NR2C2: variants seen among roughly 807,000 people sequenced by gnomAD.
NR2C2 encodes nuclear receptor subfamily 2 group C member 2.
Under a neutral mutation model 62.9 loss-of-function variants are expected in NR2C2, and 6 were observed. The ratio of observed to expected loss-of-function variants is 0.10; its 90% CI spans 0.05 to 0.19. The LOEUF (loss-of-function observed/expected upper bound fraction) is 0.19. NR2C2 is among the 10% of genes least tolerant of loss of function. NR2C2 has a pLI of 1.00. For missense variants in NR2C2, 479 were observed against 762.7 expected, an observed-to-expected ratio of 0.63 and a Z score of 4.38; for synonymous variants, 272 against 273.8, an observed-to-expected ratio of 0.99 and a Z score of 0.07.
At chr3:15,003,194 G>C (rs1249406888) in intron 1 of NR2C2, among the ~76,000 whole-genome samples, 1 of 150,392 alleles carries the variant, frequency 6.6e-6, no homozygotes. Context: ...CAAGTGATCT[G>C]CCCACCTTGG....
At chr3:14,956,318 T>G (rs1019620091) in intron 1 of NR2C2, among the ~76,000 whole-genome samples, 1 of 152,214 alleles carries the variant, frequency 6.6e-6, no homozygotes, top group Non-Finnish European at 1.5e-5. Context: ...AATTTTCCCA[T>G]GAATATGAAC....
chr3:14,969,244 C>CTTT (rs35048015), intron 1 of NR2C2, among the ~76,000 whole-genome samples: 21 of 125,780 alleles, frequency 1.7e-4, no homozygotes, highest in African/African-American at 5.3e-4. Flanking sequence ...AATAAAGATT[C>CTTT]TTTTTTTTTT....
In NR2C2 at chr3:15,042,990, C is replaced by G. The variant is rs1180014233; in HGVS notation, c.1773C>G (p.Ile591Met). The G allele has an allele frequency of 3.1e-6, 5 of 1,614,080 alleles. No individual in the cohort carries two copies. The highest frequency in any genetic ancestry group is 4.2e-6 in the Non-Finnish European group (5 of 1,179,958). ...KMETAEYNGQ[I>M]TGASL ...AGACAGCAGAGTATAATGGCCAGATCACCGGAGCCAGTCTATAGCGCAAAC... is the reference window on the plus strand; with the variant it reads ...AGACAGCAGAGTATAATGGCCAGATGACCGGAGCCAGTCTATAGCGCAAAC... Residue 591 changes from isoleucine (I) to methionine (M), a missense_variant, in exon 14 of 14, where the codon ATC becomes ATG. This residue lies in a region of NR2C2 where 162 missense variants were observed against 296.8 expected (regional missense o/e 0.55). Coordinates refer to ENST00000425241, the MANE Select transcript of NR2C2 (RefSeq NM_001291694.2).
At chr3:15,019,178 A>G (rs1332812895) in intron 4 of NR2C2, among the ~76,000 whole-genome samples, 1 of 151,766 alleles carries the variant, frequency 6.6e-6, no homozygotes. Flanking sequence ...GTGAGCCGAA[A>G]TCATGGCCAC....
chr3:15,044,261 A>G lies in NR2C2; in HGVS notation c.*1253A>G, dbSNP rs553538503. 3.3e-5 allele frequency: 5 copies of G among 152,330 alleles called. No homozygotes were observed. The highest frequency in any genetic ancestry group is 2.0e-4 in the Admixed American group (3 of 15,300). 9.4% of individuals were successfully genotyped at this position (152,330 alleles called of 1,614,324 possible). On this transcript the variant is annotated 3_prime_UTR_variant, in exon 14 of 14. Transcript: ENST00000425241. ...AGATTTTAAAAATGTGTATAGACTCAGCATCTCTGTTGGCAAGTCTGTTAA... is the reference window on the plus strand; with the variant it reads ...AGATTTTAAAAATGTGTATAGACTCGGCATCTCTGTTGGCAAGTCTGTTAA...
At chr3:15,009,602 C>T (rs1020664031) in intron 2 of NR2C2, among the ~76,000 whole-genome samples, 2 of 152,130 alleles carry the variant, frequency 1.3e-5, no homozygotes, top group South Asian at 4.1e-4. Flanking sequence ...ATCTTCTTAA[C>T]GTTACTTCAT....
rs184813052 is a variant in NR2C2, at chr3:15,008,276, A to G, written c.72+4290A>G. ...AGTGGCTCACACCTGTGATCCCAGCACTTTGGAGGCCGATGTAGGTGGATC... is the reference window on the plus strand; with the variant it reads ...AGTGGCTCACACCTGTGATCCCAGCGCTTTGGAGGCCGATGTAGGTGGATC... On this transcript the variant is annotated intron_variant, in intron 2 of 13. Coordinates refer to ENST00000425241, the MANE Select transcript of NR2C2 (RefSeq NM_001291694.2). Among the ~76,000 whole-genome samples the G allele has an allele frequency of 1.3e-4, 19 of 150,890 alleles. No individual in the cohort carries two copies. In the East Asian group the frequency reaches 3.5e-3, roughly 28 times the overall value.
At chr3:14,991,252 A>T (rs1431338525) in intron 1 of NR2C2, among the ~76,000 whole-genome samples, 1 of 152,234 alleles carries the variant, frequency 6.6e-6, no homozygotes, top group Non-Finnish European at 1.5e-5. Flanking sequence ...CATCAAGAGA[A>T]GTAGTTCTTT....
intron 1 of NR2C2, among the ~76,000 whole-genome samples, chr3:14,985,105 CT>C (rs2040479359): frequency 6.6e-6 from 1 of 152,048 alleles, no homozygotes; most frequent in African/African-American, 2.4e-5. Flanking sequence ...TTTATCAAAT[CT>C]TTTGCCTATT....
chr3:15,019,223 C>CA (rs1203984925), intron 4 of NR2C2, among the ~76,000 whole-genome samples: 2 of 144,644 alleles, frequency 1.4e-5, no homozygotes, highest in Non-Finnish European at 3.0e-5. Context: ...ACTCTTGTCT[C>CA]AAAAAAAAAG....
At chr3:14,957,060 A>C (rs538808448) in intron 1 of NR2C2, among the ~76,000 whole-genome samples, 2 of 152,242 alleles carry the variant, frequency 1.3e-5, no homozygotes, top group Non-Finnish European at 2.9e-5. Flanking sequence ...TTTAAGATCA[A>C]ATCTTCACTA....
chr3:15,032,445 C>G lies in NR2C2; in HGVS notation c.1177C>G (p.Leu393Val). 6.2e-7 allele frequency: 1 copy of G among 1,614,226 alleles called. No homozygotes were observed. Among genetic ancestry groups the G allele is most frequent in the Non-Finnish European group, 8.5e-7 (1 of 1,180,040 alleles). The change falls in exon 10 of 14, where the codon CTG becomes GTG. Residue 393 changes from leucine (L) to valine (V), a missense_variant. Around this residue, in one of 4 missense-constraint regions of NR2C2, gnomAD observed 162 missense variants for 296.8 expected, o/e 0.55. Coordinates refer to ENST00000425241, the MANE Select transcript of NR2C2 (RefSeq NM_001291694.2). ...VHYICESASRLLFLSMHWARS... is the reference protein window; with the variant it reads ...VHYICESASRVLFLSMHWARS... Reference sequence around the variant, plus strand: ...CTACATCTGTGAGTCTGCATCCCGTCTGCTTTTCCTCTCAATGCACTGGGC... The same window carrying G: ...CTACATCTGTGAGTCTGCATCCCGTGTGCTTTTCCTCTCAATGCACTGGGC...
intron 2 of NR2C2, among the ~76,000 whole-genome samples, chr3:15,007,128 CTTTT>C (rs1189765777): frequency 3.7e-5 from 5 of 134,674 alleles, no homozygotes; most frequent in Admixed American, 7.6e-5. Flanking sequence ...CCTGACCTCT[CTTTT>C]TTTTTTTTTT....
intron 9 of NR2C2, among the ~76,000 whole-genome samples, 182 bp downstream of exon 9, chr3:15,030,634 C>T (rs979325224): frequency 1.3e-5 from 2 of 152,096 alleles, no homozygotes; most frequent in African/African-American, 4.8e-5. Flanking sequence ...TCAAGACCAG[C>T]CTGGCCAACA....
intron 1 of NR2C2, among the ~76,000 whole-genome samples, chr3:14,990,679 T>G (rs1015230353): frequency 1.3e-5 from 2 of 152,198 alleles, no homozygotes; most frequent in Non-Finnish European, 2.9e-5. Context: ...AGGGAGCCAT[T>G]GGCATGGTAA....
intron 1 of NR2C2, chr3:14,948,121 C>A (rs1443060617): frequency 6.6e-6 from 1 of 152,048 alleles, no homozygotes; most frequent in Non-Finnish European, 1.5e-5. Flanking sequence ...TTCCCCCTGA[C>A]CGGCCCGGCC....
intron 2 of NR2C2, among the ~76,000 whole-genome samples, chr3:15,010,711 CAAAA>C (rs541686657): frequency 7.9e-6 from 1 of 126,080 alleles, no homozygotes. Context: ...GACCCTGTCT[CAAAA>C]AAAAAAAAAA....
At chr3:15,013,911 C>T (rs1432209276) in intron 3 of NR2C2, 122 bp downstream of exon 3, 17 of 1,010,528 alleles carry the variant, frequency 1.7e-5, no homozygotes, top group Non-Finnish European at 2.2e-5. Flanking sequence ...GACCTGCAAA[C>T]ATGGCAGGTT....
chr3:14,956,833 C>T (rs554515315), intron 1 of NR2C2, among the ~76,000 whole-genome samples: 3 of 152,176 alleles, frequency 2.0e-5, no homozygotes, highest in East Asian at 3.9e-4. Context: ...GAGCCACCGC[C>T]CCGGCTGTGT....
Sources: gnomAD v4.1 joint callset for allele counts (sites outside exome capture counted in the v4.1 genomes callset) on GRCh38, gnomAD v4.1.1 for gene constraint, gnomAD v4.1.1 regional missense constraint, MANE v1.5 for transcripts, NCBI Gene and HGNC (gene_info 2026-07-23, HGNC 2026-07-21) for gene names.